The following R3HCC1L variants were observed in gnomAD, a reference collection of about 807,000 sequenced individuals.
R3HCC1L encodes the protein coiled-coil domain-containing protein R3HCC1L.
Under a neutral mutation model 59.9 loss-of-function variants are expected in R3HCC1L, and 51 were observed. The ratio of observed to expected loss-of-function variants is 0.85; its 90% CI spans 0.68 to 1.07. R3HCC1L has a LOEUF of 1.07. R3HCC1L is among the 50% of genes least tolerant of loss of function. The probability of loss-of-function intolerance (pLI) is 0.00; values close to 1 mark genes in which losing one functional copy is unlikely to be tolerated. For missense variants in R3HCC1L, 965 were observed against 933.0 expected, an observed-to-expected ratio of 1.03 and a Z score of -0.45; for synonymous variants, 322 against 315.2, an observed-to-expected ratio of 1.02 and a Z score of -0.23.
chr10:98,230,769 G>T (rs1486252741), intron 5 of R3HCC1L, among the ~76,000 whole-genome samples: 3 of 152,202 alleles, frequency 2.0e-5, no homozygotes, highest in Non-Finnish European at 1.5e-5. Flanking sequence ...ACAGGTGAAT[G>T]ACAGAATGAC....
chr10:98,135,022 C>T (rs1486208003), intron 1 of R3HCC1L, among the ~76,000 whole-genome samples: 1 of 152,178 alleles, frequency 6.6e-6, no homozygotes, highest in Non-Finnish European at 1.5e-5. Context: ...TGGGTTTCAA[C>T]AGGTATTGAG....
chr10:98,209,210 A>C lies in R3HCC1L; in HGVS notation c.1096A>C (p.Lys366Gln). 1 of 1,613,876 alleles carries C rather than the reference A, an allele frequency of 6.2e-7. No homozygotes were observed. The highest frequency in any genetic ancestry group is 8.5e-7 in the Non-Finnish European group (1 of 1,179,998). ...AHETHRDSGFKNVGDITNKAC... is the reference protein window; with the variant it reads ...AHETHRDSGFQNVGDITNKAC... ...TGAAACACATAGAGATAGTGGATTTAAGAATGTAGGTGACATTACCAATAA... is the reference window on the plus strand; with the variant it reads ...TGAAACACATAGAGATAGTGGATTTCAGAATGTAGGTGACATTACCAATAA... The change falls in exon 5 of 10, where the codon AAG (lysine) becomes CAG (glutamine). Residue 366 changes from lysine (K) to glutamine (Q), a missense_variant. Lys to Gln is a moderately conservative substitution (Grantham distance 53). Transcript: ENST00000298999.
intron 4 of R3HCC1L, among the ~76,000 whole-genome samples, chr10:98,190,750 C>A (rs903664748): frequency 1.3e-5 from 2 of 152,140 alleles, no homozygotes; most frequent in African/African-American, 2.4e-5. Flanking sequence ...GTTTGCTTCA[C>A]CCATCAAATT....
At chr10:98,141,017 G>GTT (rs796619101) in intron 1 of R3HCC1L, among the ~76,000 whole-genome samples, 1 of 148,746 alleles carries the variant, frequency 6.7e-6, no homozygotes, top group African/African-American at 2.5e-5. Flanking sequence ...CATTTTTCAT[G>GTT]TTTTTTTTTT....
chr10:98,165,914 G>A (rs2134250410), intron 4 of R3HCC1L, among the ~76,000 whole-genome samples: 1 of 152,344 alleles, frequency 6.6e-6, no homozygotes, highest in Non-Finnish European at 1.5e-5. Flanking sequence ...GCTCATGCCT[G>A]TAATCCCAGC....
intron 5 of R3HCC1L, among the ~76,000 whole-genome samples, chr10:98,220,372 T>TTTA: frequency 6.7e-6 from 1 of 148,190 alleles, no homozygotes; most frequent in East Asian, 1.9e-4. Flanking sequence ...TTCTTTTTCT[T>TTTA]TTTTTTTTCC....
intron 5 of R3HCC1L, among the ~76,000 whole-genome samples, chr10:98,230,288 C>A (rs1233062443): frequency 1.3e-5 from 2 of 152,202 alleles, no homozygotes; most frequent in African/African-American, 4.8e-5. Context: ...AGAGATTCAA[C>A]TTCTTCCTGG....
intron 4 of R3HCC1L, among the ~76,000 whole-genome samples, chr10:98,182,001 A>G (rs1480509119): frequency 6.6e-6 from 1 of 152,128 alleles, no homozygotes; most frequent in Admixed American, 6.5e-5. Flanking sequence ...GACCTTCTGA[A>G]GCCTACTTCT....
In R3HCC1L at chr10:98,244,263, T is replaced by A; in HGVS notation, c.*105T>A. ...TCTATGTACATGCAGATGTGCATGTTAAAGAGATAAAGTGATCGAGACAAG... is the reference window on the plus strand; with the variant it reads ...TCTATGTACATGCAGATGTGCATGTAAAAGAGATAAAGTGATCGAGACAAG... On this transcript the variant is annotated 3_prime_UTR_variant, in exon 10 of 10. Coordinates refer to ENST00000298999, the MANE Select transcript of R3HCC1L (RefSeq NM_001351015.2). The A allele has an allele frequency of 9.4e-7, 1 of 1,064,588 alleles. No individual in the cohort carries two copies. The highest frequency in any genetic ancestry group is 1.4e-6 in the Non-Finnish European group (1 of 708,632). 65.9% of individuals were successfully genotyped at this position (1,064,588 alleles called of 1,614,324 possible). A position where few individuals can be genotyped will look rare whatever the true frequency, so the allele number is the denominator to read the frequency against.
chr10:98,195,213 A>C (rs1019274053), intron 4 of R3HCC1L, among the ~76,000 whole-genome samples: 1 of 152,200 alleles, frequency 6.6e-6, no homozygotes, highest in Non-Finnish European at 1.5e-5. Flanking sequence ...TAACCCAATC[A>C]CAAAAAGTTG....
chr10:98,211,138 T>C (rs1158717727), intron 5 of R3HCC1L, among the ~76,000 whole-genome samples: 1 of 152,144 alleles, frequency 6.6e-6, no homozygotes, highest in African/African-American at 2.4e-5. Context: ...TTGAATTACA[T>C]GCAAAATTAT....
chr10:98,211,408 A>G, intron 5 of R3HCC1L: 3 of 1,487,492 alleles, frequency 2.0e-6, no homozygotes, highest in Non-Finnish European at 2.7e-6. Context: ...CTGTCAGCCC[A>G]TAATTAGAAA....
chr10:98,158,108 A>G (rs1017408735), intron 2 of R3HCC1L, among the ~76,000 whole-genome samples: 2 of 152,230 alleles, frequency 1.3e-5, no homozygotes, highest in African/African-American at 4.8e-5. Context: ...GGAAGAAAAT[A>G]AGAATCACTT....
At chr10:98,227,932 T>C (rs887307975) in intron 5 of R3HCC1L, among the ~76,000 whole-genome samples, 1 of 152,212 alleles carries the variant, frequency 6.6e-6, no homozygotes, top group African/African-American at 2.4e-5. Context: ...TATGGCTGCA[T>C]AGTATTCCAT....
Position 98,163,415 on chromosome 10 carries a change from A to G in R3HCC1L, c.-15+18A>G, listed in dbSNP as rs1461232085. The G allele has an allele frequency of 7.8e-6, 10 of 1,284,894 alleles. No individual in the cohort carries two copies. Among genetic ancestry groups the G allele is most frequent in the Middle Eastern group, 2.0e-4 (1 of 5,120 alleles). 79.6% of individuals were successfully genotyped at this position (1,284,894 alleles called of 1,614,324 possible). The stretch of plus-strand genomic sequence containing the variant: ...CTTACATGGTAAGTTGCCTTTACTT[A>G]TGCATATTTTATAGAAATACTGTCT... On this transcript the variant is annotated intron_variant, in intron 4 of 9. Transcript: ENST00000298999.
intron 1 of R3HCC1L, among the ~76,000 whole-genome samples, chr10:98,153,693 A>C (rs1468838991): frequency 6.6e-6 from 1 of 151,962 alleles, no homozygotes; most frequent in Non-Finnish European, 1.5e-5. Context: ...AGACAGACAG[A>C]ATGGACTGTT....
intron 2 of R3HCC1L, among the ~76,000 whole-genome samples, chr10:98,159,490 ACT>A (rs1847192546): frequency 6.6e-6 from 1 of 152,188 alleles, no homozygotes; most frequent in Admixed American, 6.5e-5. Context: ...ATATCCTGTC[ACT>A]GTTTGAACTT....
At position 98,234,173 on chromosome 10, in the gene R3HCC1L, C is replaced by T. The variant is rs9804199; in HGVS notation, c.1962-273C>T. On this transcript the variant is annotated intron_variant, in intron 6 of 9. Transcript: ENST00000298999. ...ATAGTGCATTAAATACTTTACATCC[C>T]CAAGGGACTTGTGAGGATTAATTAG... Among the ~76,000 whole-genome samples the T allele has an allele frequency of 6.8e-3, 1,032 of 152,212 alleles. 19 individuals are homozygous for T. Among genetic ancestry groups the T allele is most frequent in the African/African-American group, 0.024 (990 of 41,522 alleles).
chr10:98,143,045 A>C (rs1845316386), intron 1 of R3HCC1L, among the ~76,000 whole-genome samples: 1 of 152,146 alleles, frequency 6.6e-6, no homozygotes, highest in Non-Finnish European at 1.5e-5. Context: ...TGGAACATTT[A>C]CCATATTAAC....
Sources: gnomAD v4.1 joint callset for allele counts (sites outside exome capture counted in the v4.1 genomes callset) on GRCh38, gnomAD v4.1.1 for gene constraint, MANE v1.5 for transcripts, NCBI Gene and HGNC (gene_info 2026-07-23, HGNC 2026-07-21) for gene names.